OSTM1: variants seen among roughly 807,000 people sequenced by gnomAD.
OSTM1 encodes osteoclastogenesis associated transmembrane protein 1.
Under a neutral mutation model 35.4 loss-of-function variants are expected in OSTM1, and 26 were observed. That is an observed-to-expected ratio of 0.73 (90% CI 0.54 to 1.02). The LOEUF is 1.02. OSTM1 is among the 50% of genes least tolerant of loss of function. The pLI is 0.00. For missense variants in OSTM1, 366 were observed against 409.6 expected (o/e 0.89, Z 0.92); for synonymous variants, 181 against 165.0 (o/e 1.10, Z -0.75).
At position 108,042,851 on chromosome 6, in the gene OSTM1, T is replaced by G. The variant is rs377109852; in HGVS notation, c.*1934A>C. 8 of 152,294 alleles carry G rather than the reference T, an allele frequency of 5.3e-5. No homozygotes were observed. In the East Asian group the frequency reaches 1.5e-3, roughly 29 times the overall value. The allele number at this position is 152,294 out of a possible 1,614,324, so 9.4% of individuals were successfully genotyped here. ...TCCTTATTTCCTTTATTTTAATGTG[T>G]CAAAAAAACACTTAAAGATATTCTT... On this transcript the variant is annotated 3_prime_UTR_variant, in exon 6 of 6. Coordinates refer to ENST00000193322, the MANE Select transcript of OSTM1 (RefSeq NM_014028.4).
chr6:108,070,750 C>T (rs185832379), intron 1 of OSTM1, among the ~76,000 whole-genome samples: 47 of 151,818 alleles, frequency 3.1e-4, no homozygotes, highest in African/African-American at 1.1e-3. Context: ...ATTAGCCAGG[C>T]GTGGTGGTGG....
At position 108,061,665 on chromosome 6, in the gene OSTM1, ATAGGC is replaced by A. The variant is rs1167660821; in HGVS notation, c.517+2515_517+2519del. ...CTCAGCCTCCCAGGCAGCTGGGACT[ATAGGC>A]ATTTGCCACCATGCCCAGCTAATTT... On this transcript the variant is annotated intron_variant, in intron 2 of 5. Coordinates refer to ENST00000193322, the MANE Select transcript of OSTM1 (RefSeq NM_014028.4). Among the ~76,000 whole-genome samples, 5 of 151,990 alleles carry A rather than the reference ATAGGC, an allele frequency of 3.3e-5. No homozygotes were observed. In the South Asian group the frequency reaches 1.0e-3, roughly 32 times the overall value.
At chr6:108,059,823 C>T (rs1388840104) in intron 2 of OSTM1, among the ~76,000 whole-genome samples, 1 of 152,110 alleles carries the variant, frequency 6.6e-6, no homozygotes, top group Non-Finnish European at 1.5e-5. Flanking sequence ...TACTCTTCCA[C>T]TTTTCTGCCA....
chr6:108,054,671 G>C lies in OSTM1; in HGVS notation c.518-84C>G, dbSNP rs375756435. 369 of 665,210 alleles carry C rather than the reference G, an allele frequency of 5.5e-4. 4 individuals are homozygous for C. In the East Asian group the frequency reaches 8.5e-3, roughly 15 times the overall value. 41.2% of individuals were successfully genotyped at this position (665,210 alleles called of 1,614,324 possible). A position where few individuals can be genotyped will look rare whatever the true frequency, so the allele number is the denominator to read the frequency against. Reference sequence around the variant, plus strand: ...ATTTATATCTTAAGCTATCAGCTTCGTTTCACACTACAGTAATTCTTTATT... The same window carrying C: ...ATTTATATCTTAAGCTATCAGCTTCCTTTCACACTACAGTAATTCTTTATT... On this transcript the variant is annotated intron_variant, in intron 2 of 5. Transcript: ENST00000193322.
chr6:108,062,535 C>CTTTTTTTTTTTT (rs780041339), intron 2 of OSTM1, among the ~76,000 whole-genome samples: 64 of 130,980 alleles, frequency 4.9e-4, no homozygotes, highest in East Asian at 1.8e-3. Flanking sequence ...CTTTTCTTTT[C>CTTTTTTTTTTTT]TTTTTTTTTT....
intron 2 of OSTM1, among the ~76,000 whole-genome samples, chr6:108,056,633 AG>A (rs1397948448): frequency 3.3e-5 from 5 of 152,316 alleles, no homozygotes; most frequent in African/African-American, 1.2e-4. Flanking sequence ...AAATTACAAA[AG>A]GTCATTCCTG....
At chr6:108,062,595 C>T (rs1772302199) in intron 2 of OSTM1, among the ~76,000 whole-genome samples, 2 of 143,756 alleles carry the variant, frequency 1.4e-5, no homozygotes, top group Admixed American at 7.3e-5. Context: ...TTGCCCAGAG[C>T]GGGGAGCAGT....
intron 1 of OSTM1, among the ~76,000 whole-genome samples, chr6:108,072,259 G>A (rs1046949517): frequency 1.3e-5 from 2 of 152,150 alleles, no homozygotes; most frequent in African/African-American, 2.4e-5. Flanking sequence ...TAAAGTGATA[G>A]TAAGATATAT....
chr6:108,054,410 A>G, intron 3 of OSTM1, 80 bp downstream of exon 3: 2 of 641,678 alleles, frequency 3.1e-6, no homozygotes, highest in Non-Finnish European at 5.5e-6. Flanking sequence ...ATCAATAATT[A>G]GTGCTCTAAA....
At chr6:108,060,032 C>T (rs183786140) in intron 2 of OSTM1, among the ~76,000 whole-genome samples, 136 of 152,110 alleles carry the variant, frequency 8.9e-4, no homozygotes, top group African/African-American at 2.5e-3. Flanking sequence ...AATGCAAATA[C>T]GGTGAAAACT....
intron 2 of OSTM1, among the ~76,000 whole-genome samples, chr6:108,062,331 G>C (rs1003212025): frequency 6.6e-6 from 1 of 152,094 alleles, no homozygotes; most frequent in Admixed American, 6.6e-5. Context: ...AGCCCAAGTA[G>C]ATGAAGCAGG....
intron 2 of OSTM1, chr6:108,060,800 CA>C (rs1304425736): frequency 2.0e-5 from 3 of 152,248 alleles, no homozygotes; most frequent in African/African-American, 7.2e-5. Context: ...TCACATCTGT[CA>C]AAAGAAGTGA....
rs147611909 is a variant in OSTM1 at position 108,058,832 on chromosome 6, T to C, written c.518-4245A>G. Among the ~76,000 whole-genome samples the C allele has an allele frequency of 6.7e-3, 1,013 of 152,276 alleles. 32 individuals carry two copies. Among genetic ancestry groups the C allele is most frequent in the Admixed American group, 0.038 (584 of 15,298 alleles). On this transcript the variant is annotated intron_variant, in intron 2 of 5. Coordinates refer to ENST00000193322, the MANE Select transcript of OSTM1 (RefSeq NM_014028.4). Reference sequence around the variant, plus strand: ...CCTTCTGGTTAATCATTAAGTACTATTGTTGTTGCTTTTTAAAGCATCAAG... The same window carrying C: ...CCTTCTGGTTAATCATTAAGTACTACTGTTGTTGCTTTTTAAAGCATCAAG...
At position 108,049,418 on chromosome 6, in the gene OSTM1, T is replaced by C; in HGVS notation, c.784A>G (p.Met262Val). The change falls in exon 5 of 6, where the codon ATG becomes GTG. Residue 262 changes from methionine to valine, a missense_variant and splice_region_variant. Transcript: ENST00000193322. ...CTCCATAGTTTTCGAGTGATGTTCA[T>C]CTGGAACAAGAGCAAACAATATCTT... ...THLCIDVEDA[M>V]NITRKLWSRT... The C allele has an allele frequency of 6.2e-7, 1 of 1,613,414 alleles. No homozygotes were observed. Among genetic ancestry groups the C allele is most frequent in the Non-Finnish European group, 8.5e-7 (1 of 1,179,392 alleles).
intron 1 of OSTM1, among the ~76,000 whole-genome samples, chr6:108,066,114 T>TATGAGAGGCCGTGAGGGTC (rs1554252156): frequency 1.3e-5 from 2 of 152,166 alleles, no homozygotes; most frequent in Non-Finnish European, 2.9e-5. Flanking sequence ...AGAACAAGGT[T>TATGAGAGGCCGTGAGGGTC]ATGAGAGGCC....
chr6:108,066,200 G>A (rs529440306), intron 1 of OSTM1, among the ~76,000 whole-genome samples: 1 of 152,216 alleles, frequency 6.6e-6, no homozygotes, highest in East Asian at 1.9e-4. Flanking sequence ...GCAGTTTGAG[G>A]AATACATCTT....
At chr6:108,052,259 C>T (rs1772087648) in intron 3 of OSTM1, among the ~76,000 whole-genome samples, 1 of 151,958 alleles carries the variant, frequency 6.6e-6, no homozygotes, top group African/African-American at 2.4e-5. Flanking sequence ...ACGGTGAAAC[C>T]CCATCTCTAC....
In OSTM1 at chr6:108,046,715, C is replaced by T. The variant is rs1388964782; in HGVS notation, c.950-1875G>A. On this transcript the variant is annotated intron_variant, in intron 5 of 5. Transcript: ENST00000193322. ...TTCCTGGACGAGTGTACTGCTTCAGCTTAAAATAAAGGGAAAACTTAAACT... is the reference window on the plus strand; with the variant it reads ...TTCCTGGACGAGTGTACTGCTTCAGTTTAAAATAAAGGGAAAACTTAAACT... 3.3e-5 allele frequency among the ~76,000 whole-genome samples: 5 copies of T among 152,140 alleles called. No individual in the cohort carries two copies. In the East Asian group the frequency reaches 9.6e-4, roughly 29 times the overall value.
chr6:108,069,083 C>T (rs1021633371), intron 1 of OSTM1, among the ~76,000 whole-genome samples: 1 of 152,176 alleles, frequency 6.6e-6, no homozygotes, highest in South Asian at 2.1e-4. Context: ...ACCTACCCCC[C>T]AGTCATACTC....
Sources: gnomAD v4.1 joint callset for allele counts (sites outside exome capture counted in the v4.1 genomes callset) on GRCh38, gnomAD v4.1.1 for gene constraint, MANE v1.5 for transcripts, NCBI Gene and HGNC (gene_info 2026-07-23, HGNC 2026-07-21) for gene names.